The following DMD variants were observed in gnomAD, a reference collection of about 807,000 sequenced individuals.
DMD encodes the protein mutant dystrophin.
In DMD, 63 loss-of-function variants were observed where a neutral mutation model predicts 330.1. The ratio of observed to expected loss-of-function variants is 0.19; its 90% confidence interval spans 0.16 to 0.24. The LOEUF is 0.24. DMD is among the 10% of genes least tolerant of loss of function. The pLI, the probability that DMD is intolerant of heterozygous loss-of-function variation, is 1.00. For synonymous variants in DMD, 1,223 were observed against 959.8 expected (o/e 1.27, Z -5.07); for missense variants, 3,344 against 2,684.1 (o/e 1.25, Z -5.43).
intron 64 of DMD, among the ~76,000 whole-genome samples, chrX:31,221,014 C>T (rs962395361): frequency 1.2e-4 from 12 of 103,228 alleles, no homozygotes; most frequent in Middle Eastern, 5.2e-3. Flanking sequence ...AAAGATTGGA[C>T]ATCCCTGCAC....
chrX:32,055,728 T>A (rs2096166523), intron 44 of DMD, among the ~76,000 whole-genome samples: 1 of 111,674 alleles, frequency 9.0e-6, no homozygotes, highest in Admixed American at 9.5e-5. Flanking sequence ...AACTTCCCAA[T>A]CAATTTTGGA....
chrX:31,817,173 A>G (rs996613019), intron 50 of DMD, among the ~76,000 whole-genome samples: 2 of 112,423 alleles, frequency 1.8e-5, no homozygotes, highest in South Asian at 3.7e-4. Flanking sequence ...AGCTACAAGT[A>G]TATGTGTAGC....
intron 29 of DMD, among the ~76,000 whole-genome samples, chrX:32,419,540 T>A (rs970643466): frequency 1.8e-5 from 2 of 112,342 alleles, no homozygotes; most frequent in African/African-American, 6.5e-5. Context: ...TGTGTACATG[T>A]CTGCATATAT....
At chrX:32,235,340 G>T (rs2097183713) in intron 43 of DMD, among the ~76,000 whole-genome samples, 1 of 110,377 alleles carries the variant, frequency 9.1e-6, no homozygotes, top group Non-Finnish European at 1.9e-5. Context: ...CTGCTGATCT[G>T]ACAGGAGGTG....
chrX:33,259,609 C>A (rs866954280), intron 1 of DMD, among the ~76,000 whole-genome samples: 23 of 56,703 alleles, frequency 4.1e-4, no homozygotes, highest in African/African-American at 1.2e-3. Context: ...CCCCCCCCCC[C>A]AAAAAAAAAA....
chrX:32,277,309 G>C lies in DMD; in HGVS notation c.6290+10220C>G, dbSNP rs189214576. On this transcript the variant is annotated intron_variant, in intron 43 of 78. Transcript: ENST00000357033. ...AATATATATACAACACTGGAGTACA[G>C]ATATATAAAGCAAATATTATTCGAG... is the stretch of plus-strand genomic sequence containing the variant. 6.3e-5 allele frequency among the ~76,000 whole-genome samples: 7 copies of C among 111,689 alleles called. No homozygotes were observed. The East Asian group carries it at 2.0e-3, about 32-fold the overall frequency.
intron 60 of DMD, among the ~76,000 whole-genome samples, chrX:31,403,926 T>A (rs1329997407): frequency 8.9e-6 from 1 of 111,803 alleles, no homozygotes; most frequent in Non-Finnish European, 1.9e-5. Context: ...TTTCAGAGAT[T>A]ATACAATGAA....
At chrX:31,600,921 T>A (rs2077333999) in intron 55 of DMD, among the ~76,000 whole-genome samples, 1 of 108,914 alleles carries the variant, frequency 9.2e-6, no homozygotes, top group Non-Finnish European at 1.9e-5. Context: ...TGCTATCTTG[T>A]GAGATTTCCC....
intron 1 of DMD, among the ~76,000 whole-genome samples, chrX:33,031,860 A>C (rs1206275733): frequency 8.9e-6 from 1 of 112,102 alleles, no homozygotes; most frequent in East Asian, 2.8e-4. Context: ...AAGAGGAAAT[A>C]ATCGTGGTAA....
chrX:32,396,832 G>A lies in DMD; in HGVS notation c.4234-6651C>T, dbSNP rs575384099. On this transcript the variant is annotated intron_variant, in intron 30 of 78. Transcript: ENST00000357033. ...ATTCCACAAAATTTACATTTAAATT[G>A]TAATTAACTTTTAGCTTGTACTTAG... Among the ~76,000 whole-genome samples the A allele has an allele frequency of 2.2e-4, 24 of 111,527 alleles. No individual in the cohort carries two copies. The South Asian group carries it at 8.1e-3, about 38-fold the overall frequency.
chrX:31,555,696 C>G (rs539642574), intron 55 of DMD, among the ~76,000 whole-genome samples: 14 of 111,806 alleles, frequency 1.3e-4, no homozygotes, highest in African/African-American at 4.2e-4. Context: ...TTTGGACTCC[C>G]TTGTTGGGAA....
chrX:32,685,257 G>A (rs771344176), intron 9 of DMD, among the ~76,000 whole-genome samples: 147 of 110,771 alleles, frequency 1.3e-3, no homozygotes, highest in Non-Finnish European at 2.5e-3. Flanking sequence ...AGAATCCACG[G>A]GCTAATCTTA....
chrX:31,767,507 A>G (rs781183173), intron 51 of DMD, among the ~76,000 whole-genome samples: 10 of 112,320 alleles, frequency 8.9e-5, no homozygotes, highest in African/African-American at 6.4e-5. Flanking sequence ...GGACAATTAC[A>G]TTTACTAAGT....
intron 2 of DMD, among the ~76,000 whole-genome samples, chrX:33,008,715 A>G (rs1256030281): frequency 1.0e-5 from 1 of 98,559 alleles, no homozygotes; most frequent in African/African-American, 3.8e-5. Flanking sequence ...GAAACACAAA[A>G]TAACTAGGAT....
At position 31,453,754 on chromosome X, in the gene DMD, C is replaced by CA. The variant is rs1384825571; in HGVS notation, c.8938-9128dup. Reference sequence around the variant, plus strand: ...CTGCCAGTTATCTCCCCTTTATAGACAAAAAACAAGCAAAAAAAAAAAAAA... The same window carrying CA: ...CTGCCAGTTATCTCCCCTTTATAGACAAAAAAACAAGCAAAAAAAAAAAAAA... On this transcript the variant is annotated intron_variant, in intron 59 of 78. Transcript: ENST00000357033. 0.021 allele frequency among the ~76,000 whole-genome samples: 25 copies of CA among 1,183 alleles called. No homozygotes were observed. The East Asian group carries it at 0.22, about 11-fold the overall frequency. 1.0% of individuals were successfully genotyped at this position (1,183 alleles called of 115,157 possible).
chrX:33,136,056 T>C lies in DMD; in HGVS notation c.31+75226A>G, dbSNP rs1033947633. ...CAGGCTGGGTTTGGTGGCTCATGCC[T>C]GTAATCCCAGCACTTTGGAAGGCCA... On this transcript the variant is annotated intron_variant, in intron 1 of 78. Coordinates refer to ENST00000357033, the MANE Select transcript of DMD (RefSeq NM_004006.3). Among the ~76,000 whole-genome samples the C allele has an allele frequency of 2.7e-5, 3 of 111,204 alleles. No homozygotes were observed. The Admixed American group carries it at 2.9e-4, about 11-fold the overall frequency.
Position 31,872,556 on chromosome X carries a change from A to G in DMD, c.7098+2632T>C, listed in dbSNP as rs1040484469. The stretch of plus-strand genomic sequence containing the variant: ...CTTTTCTTAAATGTGTTCCAGGAAG[A>G]GAGATAGCTAGCATTGAGTATTTTT... On this transcript the variant is annotated intron_variant, in intron 48 of 78. Transcript: ENST00000357033. Among the ~76,000 whole-genome samples the G allele has an allele frequency of 2.7e-5, 3 of 111,800 alleles. No individual in the cohort carries two copies. In the Admixed American group the frequency reaches 2.9e-4, roughly 11 times the overall value.
At chrX:32,936,165 G>A (rs1046747152) in intron 2 of DMD, among the ~76,000 whole-genome samples, 2 of 108,486 alleles carry the variant, frequency 1.8e-5, no homozygotes, top group African/African-American at 6.7e-5. Context: ...AGGCTGGAGT[G>A]CAATGGCGCC....
At chrX:32,561,037 C>T (rs2050940781) in intron 16 of DMD, among the ~76,000 whole-genome samples, 1 of 111,873 alleles carries the variant, frequency 8.9e-6, no homozygotes, top group South Asian at 3.7e-4. Flanking sequence ...AACTAATTTA[C>T]ATTCCCACCA....
Sources: gnomAD v4.1 joint callset for allele counts (sites outside exome capture counted in the v4.1 genomes callset) on GRCh38, gnomAD v4.1.1 for gene constraint, MANE v1.5 for transcripts, NCBI Gene and HGNC (gene_info 2026-07-23, HGNC 2026-07-21) for gene names.